Variants in FUBP1 observed in about 807,000 individuals in gnomAD.
FUBP1 encodes the protein far upstream element-binding protein 1.
A neutral mutation model predicts 94.9 loss-of-function variants in FUBP1; 16 were observed. That is an observed-to-expected ratio of 0.17 (90% CI 0.11 to 0.26). The LOEUF is 0.26. FUBP1 is among the 10% of genes least tolerant of loss of function. The probability of loss-of-function intolerance (pLI) is 1.00; values close to 1 mark genes in which losing one functional copy is unlikely to be tolerated. For synonymous variants in FUBP1, 279 were observed against 254.9 expected, an observed-to-expected ratio of 1.09 and a Z score of -0.90; for missense variants, 583 against 808.6, an observed-to-expected ratio of 0.72 and a Z score of 3.38.
chr1:77,963,029 G>A (rs539229763), intron 13 of FUBP1, 99 bp from the exon 14 acceptor site: 1 of 706,438 alleles, frequency 1.4e-6, no homozygotes, highest in East Asian at 2.6e-5. Context: ...TTAAAAATAT[G>A]GTTTGGTCAG....
Position 77,963,465 on chromosome 1 carries a change from A to C in FUBP1, c.1183+109T>G, listed in dbSNP as rs549017704. The C allele has an allele frequency of 1.4e-5, 8 of 587,880 alleles. 1 individual carries two copies. The highest frequency in any genetic ancestry group is 3.3e-5 in the Admixed American group (1 of 30,148). 36.4% of individuals were successfully genotyped at this position (587,880 alleles called of 1,614,324 possible). ...CATATTAACATAAGAATTCTTTTCT[A>C]CTAAAATACGGTCAGAGAAAAAGCA... On this transcript the variant is annotated intron_variant, in intron 13 of 19. Coordinates refer to ENST00000370768, the MANE Select transcript of FUBP1 (RefSeq NM_003902.5).
At chr1:77,950,315 C>A (rs769240475) in intron 18 of FUBP1, among the ~76,000 whole-genome samples, 2 of 152,132 alleles carry the variant, frequency 1.3e-5, no homozygotes, top group Admixed American at 1.3e-4. Context: ...GCCCACCATG[C>A]CTAGCTGACA....
At position 77,964,193 on chromosome 1, in the gene FUBP1, C is replaced by T. The variant is rs754515373; in HGVS notation, c.941-31G>A. ...AAACAAAGAAACAAAATTAATTAAA[C>T]AATAAATGTATGTCAAAACTCACTG... On this transcript the variant is annotated intron_variant, in intron 11 of 19. Coordinates refer to ENST00000370768, the MANE Select transcript of FUBP1 (RefSeq NM_003902.5). 1.5e-5 allele frequency: 23 copies of T among 1,550,588 alleles called. No individual in the cohort carries two copies. In the Admixed American group the frequency reaches 2.3e-4, roughly 16 times the overall value.
rs1172061624 is a variant in FUBP1 at position 77,947,284 on chromosome 1, C to T, written c.*1482G>A. 2 of 297,668 alleles carry T rather than the reference C, an allele frequency of 6.7e-6. No homozygotes were observed. Among genetic ancestry groups the T allele is most frequent in the East Asian group, 1.1e-4 (2 of 18,624 alleles). 18.4% of individuals were successfully genotyped at this position (297,668 alleles called of 1,614,324 possible). A position where few individuals can be genotyped will look rare whatever the true frequency, so the allele number is the denominator to read the frequency against. ...CATTAAGCTCACTTTAAAAAAAATA[C>T]AGAACTATGTATTATTCTATGTTAA... On this transcript the variant is annotated 3_prime_UTR_variant, in exon 20 of 20. Coordinates refer to ENST00000370768, the MANE Select transcript of FUBP1 (RefSeq NM_003902.5).
At chr1:77,960,321 C>A in intron 15 of FUBP1, 23 bp downstream of exon 15, 1 of 1,613,014 alleles carries the variant, frequency 6.2e-7, no homozygotes, top group Non-Finnish European at 8.5e-7. Flanking sequence ...TGGGGAAAGC[C>A]CAGAACTAAA....
At chr1:77,964,789 A>G in intron 9 of FUBP1, 42 bp from the exon 10 acceptor site, 2 of 1,512,098 alleles carry the variant, frequency 1.3e-6, no homozygotes, top group Non-Finnish European at 1.8e-6. Flanking sequence ...GCATGTCTCA[A>G]AACATTTTAA....
chr1:77,975,715 A>G (rs534657152), intron 1 of FUBP1, among the ~76,000 whole-genome samples: 1 of 152,310 alleles, frequency 6.6e-6, no homozygotes, highest in East Asian at 1.9e-4. Flanking sequence ...TAAAGACCCA[A>G]TCAAACAATC....
intron 14 of FUBP1, among the ~76,000 whole-genome samples, chr1:77,962,552 C>A (rs565043461): frequency 3.4e-4 from 52 of 152,252 alleles, no homozygotes; most frequent in African/African-American, 1.2e-3. Flanking sequence ...CTAGCCACAC[C>A]CAAATGTAAG....
At chr1:77,956,766 C>CACACACACA in intron 16 of FUBP1, 66 bp from the exon 17 acceptor site, 1 of 1,210,998 alleles carries the variant, frequency 8.3e-7, no homozygotes, top group Non-Finnish European at 1.2e-6. Context: ...CACACACACA[C>CACACACACA]CACCCCCCCG....
chr1:77,950,140 A>T (rs989366836), intron 18 of FUBP1, among the ~76,000 whole-genome samples: 1 of 152,196 alleles, frequency 6.6e-6, no homozygotes, highest in Non-Finnish European at 1.5e-5. Flanking sequence ...ATTTAAATAT[A>T]GTCTGTATGT....
chr1:77,966,839 T>G (rs758068817), intron 6 of FUBP1, 45 bp downstream of exon 6: 1 of 1,233,660 alleles, frequency 8.1e-7, no homozygotes, highest in Non-Finnish European at 1.2e-6. Flanking sequence ...AAAAAAAAGC[T>G]AGTTTTCTAG....
chr1:77,948,689 G>T lies in FUBP1; in HGVS notation c.*77C>A. 6.7e-7 allele frequency: 1 copy of T among 1,493,888 alleles called. No individual in the cohort carries two copies. Among genetic ancestry groups the T allele is most frequent in the Non-Finnish European group, 8.9e-7 (1 of 1,124,524 alleles). The allele number at this position is 1,493,888 out of a possible 1,614,324, so 92.5% of individuals were successfully genotyped here. On this transcript the variant is annotated 3_prime_UTR_variant, in exon 20 of 20. Coordinates refer to ENST00000370768, the MANE Select transcript of FUBP1 (RefSeq NM_003902.5). ...AAAACAAAATTAAGATCTTCATCAA[G>T]TCGTCTGCATCCATATATTTAACAA...
In FUBP1 at chr1:77,965,022, G is replaced by T. The variant is rs939433612; in HGVS notation, c.636+47C>A. 3 of 1,588,980 alleles carry T rather than the reference G, an allele frequency of 1.9e-6. No individual in the cohort carries two copies. In the African/African-American group the frequency reaches 4.0e-5, roughly 21 times the overall value. On this transcript the variant is annotated intron_variant, in intron 8 of 19. Transcript: ENST00000370768. ...TAACAAAAGGAAGTGGACAAAAATG[G>T]GCATCAAAACAGATCAAAAGTAGCC...
rs1393336567 is a variant in FUBP1 at position 77,969,924 on chromosome 1, C to T, written c.211+1G>A. 7.2e-7 allele frequency: 1 copy of T among 1,387,502 alleles called. No individual in the cohort carries two copies. The highest frequency in any genetic ancestry group is 1.0e-6 in the Non-Finnish European group (1 of 982,232). The allele number at this position is 1,387,502 out of a possible 1,614,324, so 85.9% of individuals were successfully genotyped here. On this transcript the variant is annotated splice_donor_variant, in intron 2 of 19. Transcript: ENST00000370768. LOFTEE classifies it high-confidence loss of function. ...TTTAAAATACTTAGAGTATAACTTA[C>T]CTCCATCTTCTAAAGGTCTTTTTTG...
At chr1:77,977,229 C>A (rs914447851) in intron 1 of FUBP1, among the ~76,000 whole-genome samples, 6 of 152,126 alleles carry the variant, frequency 3.9e-5, no homozygotes, top group African/African-American at 1.4e-4. Flanking sequence ...AAAACAAGGC[C>A]GGGCGCAGCG....
rs1328226158 is a variant in FUBP1 at position 77,947,650 on chromosome 1, T to A, written c.*1116A>T. ...ATATGCAAAGAGTAAAACAATGGATTTCAACAAAATATCAGAACTTCAGCA... is the reference window on the plus strand; with the variant it reads ...ATATGCAAAGAGTAAAACAATGGATATCAACAAAATATCAGAACTTCAGCA... On this transcript the variant is annotated 3_prime_UTR_variant, in exon 20 of 20. Transcript: ENST00000370768. 7.9e-6 allele frequency: 6 copies of A among 759,528 alleles called. No individual in the cohort carries two copies. In the East Asian group the frequency reaches 2.4e-4, roughly 31 times the overall value. 47.0% of individuals were successfully genotyped at this position (759,528 alleles called of 1,614,324 possible). A position where few individuals can be genotyped will look rare whatever the true frequency, so the allele number is the denominator to read the frequency against.
chr1:77,978,750 G>C, intron 1 of FUBP1, 135 bp downstream of exon 1: 1 of 1,120,112 alleles, frequency 8.9e-7, no homozygotes, highest in Non-Finnish European at 1.3e-6. Context: ...CCAACATGGG[G>C]AAACGTGTCT....
chr1:77,945,002 A>C lies in FUBP1; in HGVS notation c.*3764T>G, dbSNP rs1651859956. Reference sequence around the variant, plus strand: ...AATAAGTCAGTTCAGTTTCAATCTAAACTATACATTGTTTCTAACACTAAT... The same window carrying C: ...AATAAGTCAGTTCAGTTTCAATCTACACTATACATTGTTTCTAACACTAAT... On this transcript the variant is annotated 3_prime_UTR_variant, in exon 20 of 20. Transcript: ENST00000370768. Among the ~76,000 whole-genome samples the C allele has an allele frequency of 6.6e-6, 1 of 152,004 alleles. No homozygotes were observed. The highest frequency in any genetic ancestry group is 2.4e-5 in the African/African-American group (1 of 41,436).
intron 1 of FUBP1, among the ~76,000 whole-genome samples, chr1:77,976,894 C>G (rs1425395788): frequency 6.6e-6 from 1 of 152,210 alleles, no homozygotes; most frequent in African/African-American, 2.4e-5. Context: ...CCACCCCCAT[C>G]TTCTAGCGAC....
Sources: allele counts gnomAD v4.1 joint callset (sites outside exome capture counted in the v4.1 genomes callset), GRCh38; gene constraint gnomAD v4.1.1; transcripts MANE v1.5; gene names NCBI Gene and HGNC (gene_info 2026-07-23, HGNC 2026-07-21).